The following C10orf67 variants were observed in gnomAD, a reference collection of about 807,000 sequenced individuals.
The protein encoded by C10orf67 is chromosome 10 open reading frame 67.
In C10orf67, 60 loss-of-function variants were observed where a neutral mutation model predicts 35.6. The observed-to-expected ratio is 1.68, with a 90% confidence interval of 1.37 to 2.09. The LOEUF is 2.09. Ranked by LOEUF, C10orf67 falls within the 30% of genes most tolerant of loss-of-function variation. The pLI is 0.00. For synonymous variants in C10orf67, 167 were observed against 115.8 expected (o/e 1.44, Z -2.84); for missense variants, 474 against 330.2 (o/e 1.44, Z -3.38).
intron 15 of C10orf67, among the ~76,000 whole-genome samples, chr10:23,216,565 C>A (rs867113318): frequency 1.3e-5 from 2 of 152,056 alleles, no homozygotes; most frequent in Admixed American, 1.3e-4. Flanking sequence ...AATTGAAAAT[C>A]TTCTGAATTC....
chr10:23,234,976 C>A (rs1321595589), intron 13 of C10orf67, among the ~76,000 whole-genome samples: 2 of 129,946 alleles, frequency 1.5e-5, no homozygotes, highest in Admixed American at 1.9e-4. Context: ...CGCACCATTG[C>A]ACTCCAGCCT....
chr10:23,242,573 C>A (rs559631144), intron 12 of C10orf67, among the ~76,000 whole-genome samples: 6 of 151,866 alleles, frequency 4.0e-5, no homozygotes, highest in East Asian at 3.9e-4. Context: ...CAATAGCAAC[C>A]TTTCATGGAG....
At chr10:23,240,728 G>C (rs1842159082) in intron 12 of C10orf67, among the ~76,000 whole-genome samples, 1 of 152,170 alleles carries the variant, frequency 6.6e-6, no homozygotes. Context: ...TCTTTGAAGA[G>C]ATTAAATGTG....
intron 2 of C10orf67, among the ~76,000 whole-genome samples, chr10:23,325,533 A>C (rs1324245136): frequency 7.7e-6 from 1 of 129,154 alleles, no homozygotes; most frequent in Non-Finnish European, 1.7e-5. Context: ...AATTGTGTGC[A>C]AAAAAAAAAA....
chr10:23,225,837 G>A (rs1337146477), intron 13 of C10orf67, among the ~76,000 whole-genome samples: 2 of 152,108 alleles, frequency 1.3e-5, no homozygotes, highest in Non-Finnish European at 2.9e-5. Flanking sequence ...AAATATATAT[G>A]CACCCAATAC....
chr10:23,286,432 A>AG (rs1843529591), intron 7 of C10orf67, among the ~76,000 whole-genome samples: 1 of 18,848 alleles, frequency 5.3e-5, no homozygotes, highest in African/African-American at 2.4e-4. Context: ...AGGGGAGGGG[A>AG]GGGAGGGGAG....
chr10:23,311,045 C>T (rs1431660398), intron 4 of C10orf67, among the ~76,000 whole-genome samples: 2 of 152,060 alleles, frequency 1.3e-5, no homozygotes, highest in Admixed American at 6.6e-5. Flanking sequence ...TTGCTCACTG[C>T]AGCTTCTAAC....
rs1842238790 is a variant in C10orf67 at position 23,243,577 on chromosome 10, C to T, written c.1347-3761G>A. On this transcript the variant is annotated intron_variant, in intron 12 of 15. Coordinates refer to ENST00000636213, the MANE Select transcript of C10orf67 (RefSeq NM_001371909.1). ...TGGCGCATGCCTGTAATCCCAGCTA[C>T]TCGGGAGGCTGAGGCAGGAGAATTG... Among the ~76,000 whole-genome samples the T allele has an allele frequency of 2.0e-5, 3 of 151,764 alleles. No homozygotes were observed. The South Asian group carries it at 6.2e-4, about 32-fold the overall frequency.
At chr10:23,282,701 T>A (rs4528217) in intron 7 of C10orf67, among the ~76,000 whole-genome samples, 1 of 151,916 alleles carries the variant, frequency 6.6e-6, no homozygotes, top group Non-Finnish European at 1.5e-5. Flanking sequence ...CATGGTGGCA[T>A]GTGCCTGTAA....
chr10:23,255,750 A>C (rs913350550), intron 10 of C10orf67, among the ~76,000 whole-genome samples: 8 of 152,192 alleles, frequency 5.3e-5, no homozygotes, highest in African/African-American at 1.9e-4. Context: ...ATTGACACGA[A>C]TTGGTTATGT....
intron 4 of C10orf67, chr10:23,318,086 G>A (rs1204543974): frequency 1.7e-5 from 2 of 117,898 alleles, no homozygotes; most frequent in African/African-American, 6.9e-5. Flanking sequence ...GGGAGACAGT[G>A]AGATCCCTGT....
At chr10:23,298,709 A>C (rs1209464634) in intron 5 of C10orf67, among the ~76,000 whole-genome samples, 1 of 152,200 alleles carries the variant, frequency 6.6e-6, no homozygotes, top group Non-Finnish European at 1.5e-5. Context: ...GGATAATTTT[A>C]GCCCTAAGTA....
chr10:23,318,694 G>T (rs914524725), intron 4 of C10orf67: 22 of 541,444 alleles, frequency 4.1e-5, no homozygotes, highest in African/African-American at 3.0e-4. Flanking sequence ...CGTTAGCAGA[G>T]CAATCTGTCC....
chr10:23,274,575 C>A lies in C10orf67; in HGVS notation c.976-7321G>T, dbSNP rs532995640. ...AAGAAAAATATGGCTCTATTCTGCCCGACCCCGCAGGCTGTCAGACCTTAT... is the reference window on the plus strand; with the variant it reads ...AAGAAAAATATGGCTCTATTCTGCCAGACCCCGCAGGCTGTCAGACCTTAT... On this transcript the variant is annotated intron_variant, in intron 8 of 15. Coordinates refer to ENST00000636213, the MANE Select transcript of C10orf67 (RefSeq NM_001371909.1). Among the ~76,000 whole-genome samples the A allele has an allele frequency of 4.6e-5, 7 of 152,238 alleles. No homozygotes were observed. In the East Asian group the frequency reaches 1.4e-3, roughly 29 times the overall value.
At chr10:23,282,415 C>T (rs1375704670) in intron 7 of C10orf67, among the ~76,000 whole-genome samples, 1 of 152,188 alleles carries the variant, frequency 6.6e-6, no homozygotes, top group Non-Finnish European at 1.5e-5. Context: ...GGGTTTTGCG[C>T]TATGTCTATG....
intron 2 of C10orf67, among the ~76,000 whole-genome samples, chr10:23,322,962 G>C (rs949690078): frequency 3.3e-5 from 5 of 152,094 alleles, no homozygotes; most frequent in African/African-American, 9.7e-5. Context: ...CTGGGTTCCT[G>C]GTCAGAGGTC....
chr10:23,255,903 G>A (rs892640168), intron 10 of C10orf67, among the ~76,000 whole-genome samples: 4 of 152,120 alleles, frequency 2.6e-5, no homozygotes, highest in African/African-American at 9.7e-5. Flanking sequence ...GTAATGAGAG[G>A]TTTTCAGTGA....
Position 23,296,180 on chromosome 10 carries a change from C to G in C10orf67, c.703-4901G>C, listed in dbSNP as rs140978147. On this transcript the variant is annotated intron_variant, in intron 5 of 15. Coordinates refer to ENST00000636213, the MANE Select transcript of C10orf67 (RefSeq NM_001371909.1). Reference sequence around the variant, plus strand: ...GCATGTGTCGATATTTCTATGTGTACTTTTTTTTTTTTGCAGTTGCAAGAT... The same window carrying G: ...GCATGTGTCGATATTTCTATGTGTAGTTTTTTTTTTTTGCAGTTGCAAGAT... Among the ~76,000 whole-genome samples the G allele has an allele frequency of 1.1e-3, 166 of 145,760 alleles. 3 individuals are homozygous for G. In the East Asian group the frequency reaches 0.031, roughly 28 times the overall value.
At chr10:23,233,400 A>G (rs1841964048) in intron 13 of C10orf67, among the ~76,000 whole-genome samples, 1 of 152,220 alleles carries the variant, frequency 6.6e-6, no homozygotes, top group South Asian at 2.1e-4. Flanking sequence ...CAAAGTGGGT[A>G]GAATACTTCC....
Sources: allele counts gnomAD v4.1 joint callset (sites outside exome capture counted in the v4.1 genomes callset), GRCh38; gene constraint gnomAD v4.1.1; transcripts MANE v1.5; gene names NCBI Gene and HGNC (gene_info 2026-07-23, HGNC 2026-07-21).